Variants in CLSTN2 observed in about 807,000 individuals in gnomAD.
CLSTN2 encodes the protein calsyntenin 2.
A neutral mutation model predicts 101.2 loss-of-function variants in CLSTN2; 48 were observed. The observed-to-expected ratio is 0.47, with a 90% CI of 0.38 to 0.60. The LOEUF (loss-of-function observed/expected upper bound fraction) is 0.60. Ranked by LOEUF, CLSTN2 falls within the 20% of genes least tolerant of loss-of-function variation. The pLI is 0.00. For synonymous variants in CLSTN2, 481 were observed against 463.6 expected (o/e 1.04, Z -0.48); for missense variants, 1,160 against 1,238.2 (o/e 0.94, Z 0.95).
At chr3:140,492,256 G>C (rs992707275) in intron 8 of CLSTN2, among the ~76,000 whole-genome samples, 1 of 152,186 alleles carries the variant, frequency 6.6e-6, no homozygotes, top group Non-Finnish European at 1.5e-5. Context: ...AGCCTCTTTA[G>C]AAAACTATTT....
At chr3:140,016,296 A>C (rs1011179649) in intron 1 of CLSTN2, among the ~76,000 whole-genome samples, 2 of 152,212 alleles carry the variant, frequency 1.3e-5, no homozygotes, top group African/African-American at 4.8e-5. Flanking sequence ...TGATTTTCAA[A>C]CTGTGACTTA....
chr3:140,022,546 G>A (rs916883865), intron 1 of CLSTN2, among the ~76,000 whole-genome samples: 2 of 152,208 alleles, frequency 1.3e-5, no homozygotes, highest in African/African-American at 2.4e-5. Flanking sequence ...AGGAGACTGG[G>A]CGCTGCAGGA....
At chr3:140,141,908 C>A (rs2009705828) in intron 1 of CLSTN2, among the ~76,000 whole-genome samples, 1 of 152,196 alleles carries the variant, frequency 6.6e-6, no homozygotes, top group South Asian at 2.1e-4. Flanking sequence ...GCTGCGCTTA[C>A]CCCAGAAGGG....
chr3:140,563,405 A>G (rs556451102), intron 15 of CLSTN2, among the ~76,000 whole-genome samples: 1 of 152,306 alleles, frequency 6.6e-6, no homozygotes, highest in East Asian at 1.9e-4. Context: ...AAATTACGCA[A>G]CACACATAAT....
intron 8 of CLSTN2, among the ~76,000 whole-genome samples, chr3:140,489,603 T>A: frequency 6.6e-6 from 1 of 152,066 alleles, no homozygotes; most frequent in East Asian, 1.9e-4. Context: ...GGAGAGGACC[T>A]GACAATGTTT....
chr3:140,019,301 A>G (rs78921771), intron 1 of CLSTN2, among the ~76,000 whole-genome samples: 6,367 of 152,272 alleles, frequency 0.042, 177 homozygotes, highest in Non-Finnish European at 0.064. Context: ...AAAGCAGATT[A>G]CCTTTCATAA....
In CLSTN2 at chr3:140,286,731, C is replaced by T. The variant is rs917280951; in HGVS notation, c.232+110658C>T. ...TGTCCTTGAAGAAAGGAGGAGCCTG[C>T]TCCACTTCACATGCTGTGTTGTGAG... On this transcript the variant is annotated intron_variant, in intron 2 of 16. Transcript: ENST00000458420. Among the ~76,000 whole-genome samples, 124 of 152,302 alleles carry T rather than the reference C, an allele frequency of 8.1e-4. 1 individual carries two copies. The highest frequency in any genetic ancestry group is 2.8e-3 in the African/African-American group (115 of 41,572).
At chr3:140,398,542 T>C (rs578147067) in intron 2 of CLSTN2, among the ~76,000 whole-genome samples, 1 of 152,272 alleles carries the variant, frequency 6.6e-6, no homozygotes, top group South Asian at 2.1e-4. Context: ...ACAAAGTGTC[T>C]TGGGGATGCC....
chr3:140,525,214 T>C (rs1293667658), intron 8 of CLSTN2, among the ~76,000 whole-genome samples: 2 of 151,954 alleles, frequency 1.3e-5, no homozygotes, highest in African/African-American at 4.8e-5. Flanking sequence ...GATTAACAAA[T>C]ACAGAGAGAA....
At chr3:140,468,572 C>T (rs1388634216) in intron 8 of CLSTN2, among the ~76,000 whole-genome samples, 1 of 152,162 alleles carries the variant, frequency 6.6e-6, no homozygotes, top group African/African-American at 2.4e-5. Flanking sequence ...CTGCTCTGTG[C>T]TAGGCAGGAT....
intron 5 of CLSTN2, among the ~76,000 whole-genome samples, chr3:140,434,744 A>G (rs2088669867): frequency 6.6e-6 from 1 of 152,190 alleles, no homozygotes; most frequent in African/African-American, 2.4e-5. Context: ...TCTTCTGTCA[A>G]CGTTGTGGCT....
chr3:140,315,273 T>C (rs558520519), intron 2 of CLSTN2, among the ~76,000 whole-genome samples: 8 of 152,248 alleles, frequency 5.3e-5, no homozygotes, highest in Non-Finnish European at 1.0e-4. Context: ...AAACAGACCC[T>C]TCCAAAAGTC....
At chr3:139,941,581 C>T in intron 1 of CLSTN2, among the ~76,000 whole-genome samples, 1 of 152,120 alleles carries the variant, frequency 6.6e-6, no homozygotes, top group Non-Finnish European at 1.5e-5. Context: ...GCATCACAGA[C>T]CCCCCGAAGC....
intron 2 of CLSTN2, among the ~76,000 whole-genome samples, chr3:140,308,716 A>G (rs1474651901): frequency 6.6e-6 from 1 of 152,258 alleles, no homozygotes; most frequent in East Asian, 1.9e-4. Context: ...CTCAACGTAC[A>G]GTGCCAAATT....
chr3:140,404,784 A>AC lies in CLSTN2; in HGVS notation c.637+22dup. 1 of 1,607,246 alleles carries AC rather than the reference A, an allele frequency of 6.2e-7. No homozygotes were observed. Among genetic ancestry groups the AC allele is most frequent in the African/African-American group, 1.3e-5 (1 of 74,886 alleles). ...CAGAAATGGTGAGTGACCTCAGAGG[A>AC]CCCCTGTGGGGTCAGGAAAACAAAT... On this transcript the variant is annotated intron_variant, in intron 4 of 16. Coordinates refer to ENST00000458420, the MANE Select transcript of CLSTN2 (RefSeq NM_022131.3).
intron 2 of CLSTN2, among the ~76,000 whole-genome samples, chr3:140,191,056 T>G (rs1184165763): frequency 6.6e-6 from 1 of 152,166 alleles, no homozygotes; most frequent in Non-Finnish European, 1.5e-5. Flanking sequence ...GTAGAGGTTT[T>G]GTAAATGCCT....
chr3:140,317,329 G>A (rs1022263262), intron 2 of CLSTN2, among the ~76,000 whole-genome samples: 4 of 152,168 alleles, frequency 2.6e-5, no homozygotes, highest in Non-Finnish European at 4.4e-5. Flanking sequence ...GTGGTTGGAA[G>A]CCATAGCTTC....
chr3:140,133,703 A>T (rs1007676619), intron 1 of CLSTN2, among the ~76,000 whole-genome samples: 2 of 152,190 alleles, frequency 1.3e-5, no homozygotes, highest in East Asian at 3.9e-4. Flanking sequence ...CGCATTACAT[A>T]GTACTGGAAT....
intron 8 of CLSTN2, among the ~76,000 whole-genome samples, chr3:140,504,149 G>C (rs910531060): frequency 3.3e-5 from 5 of 152,182 alleles, no homozygotes; most frequent in Non-Finnish European, 7.3e-5. Flanking sequence ...CCAGCTCTTA[G>C]CTTTCTCTGT....
Sources: allele counts gnomAD v4.1 joint callset (sites outside exome capture counted in the v4.1 genomes callset), GRCh38; gene constraint gnomAD v4.1.1; transcripts MANE v1.5; gene names NCBI Gene and HGNC (gene_info 2026-07-23, HGNC 2026-07-21).